The following FOXP1 variants were observed in gnomAD, a reference collection of about 807,000 sequenced individuals.
The protein encoded by FOXP1 is forkhead box P1.
In FOXP1, 15 loss-of-function variants were observed where a neutral mutation model predicts 98.2. That is an observed-to-expected ratio of 0.15 (90% confidence interval 0.10 to 0.24). The LOEUF (loss-of-function observed/expected upper bound fraction) is 0.24. FOXP1 is among the 10% of genes least tolerant of loss of function. The probability of loss-of-function intolerance (pLI) is 1.00; values close to 1 mark genes in which losing one functional copy is unlikely to be tolerated. For missense variants in FOXP1, 633 were observed against 848.5 expected (o/e 0.75, Z 3.15); for synonymous variants, 371 against 314.5 (o/e 1.18, Z -1.90).
At chr3:71,365,514 T>C (rs148335078) in intron 3 of FOXP1, among the ~76,000 whole-genome samples, 1 of 150,240 alleles carries the variant, frequency 6.7e-6, no homozygotes, top group African/African-American at 2.5e-5. Context: ...TGTGTTAAGA[T>C]AGTGTAGGTA....
In FOXP1 at chr3:71,295,007, A is replaced by G. The variant is rs1426925607; in HGVS notation, c.-12+4813T>C. Among the ~76,000 whole-genome samples the G allele has an allele frequency of 3.3e-5, 5 of 152,182 alleles. No homozygotes were observed. In the East Asian group the frequency reaches 9.6e-4, roughly 29 times the overall value. On this transcript the variant is annotated intron_variant, in intron 5 of 20. Coordinates refer to ENST00000649528, the MANE Select transcript of FOXP1 (RefSeq NM_001349338.3). ...TGTTTCACGAGAGAAGTAGACTTCT[A>G]TTTTATTTAAGCCATTTTACGCTGG... is the stretch of plus-strand genomic sequence containing the variant.
At position 71,275,822 on chromosome 3, in the gene FOXP1, T is replaced by C. The variant is rs138637890; in HGVS notation, c.-12+23998A>G. ...ACGGGAGTGGTTCCCCATCCTCTCATGCTTATCCCTTCTTCGTTTTTTTGT... is the reference window on the plus strand; with the variant it reads ...ACGGGAGTGGTTCCCCATCCTCTCACGCTTATCCCTTCTTCGTTTTTTTGT... On this transcript the variant is annotated intron_variant, in intron 5 of 20. Transcript: ENST00000649528. Among the ~76,000 whole-genome samples the C allele has an allele frequency of 1.6e-4, 24 of 152,336 alleles. No homozygotes were observed. The East Asian group carries it at 4.0e-3, about 26-fold the overall frequency.
At chr3:71,175,946 T>C (rs2061917234) in intron 6 of FOXP1, among the ~76,000 whole-genome samples, 1 of 152,192 alleles carries the variant, frequency 6.6e-6, no homozygotes, top group South Asian at 2.1e-4. Flanking sequence ...AAGGACATTT[T>C]CTCAACAGAG....
At chr3:71,515,357 C>A (rs1428672657) in intron 2 of FOXP1, among the ~76,000 whole-genome samples, 6 of 138,306 alleles carry the variant, frequency 4.3e-5, no homozygotes, top group Non-Finnish European at 9.1e-5. Flanking sequence ...TTGTTTTACA[C>A]TAAGATGTGA....
intron 5 of FOXP1, among the ~76,000 whole-genome samples, chr3:71,226,622 G>A (rs1576469876): frequency 6.7e-6 from 1 of 150,296 alleles, no homozygotes; most frequent in Non-Finnish European, 1.5e-5. Context: ...TCTCATTCTG[G>A]CTCAATCTCT....
Position 70,958,395 on chromosome 3 carries a change from G to A in FOXP1, c.*852C>T. ...CCTTCATGTGTAGAGTGCAGCATTTGGGACCTTTTTGAAAAAGACCAAAAC... is the reference window on the plus strand; with the variant it reads ...CCTTCATGTGTAGAGTGCAGCATTTAGGACCTTTTTGAAAAAGACCAAAAC... On this transcript the variant is annotated 3_prime_UTR_variant, in exon 21 of 21. Coordinates refer to ENST00000649528, the MANE Select transcript of FOXP1 (RefSeq NM_001349338.3). 2.0e-6 allele frequency: 1 copy of A among 501,932 alleles called. No individual in the cohort carries two copies. Among genetic ancestry groups the A allele is most frequent in the Non-Finnish European group, 3.8e-6 (1 of 260,932 alleles). The allele number at this position is 501,932 out of a possible 1,614,324, so 31.1% of individuals were successfully genotyped here.
chr3:71,393,521 T>C (rs867865639), intron 3 of FOXP1, among the ~76,000 whole-genome samples: 2 of 152,210 alleles, frequency 1.3e-5, no homozygotes, highest in Non-Finnish European at 2.9e-5. Flanking sequence ...ATTACTATAA[T>C]GTCTATAAAA....
chr3:71,257,334 T>C (rs2068712209), intron 5 of FOXP1, among the ~76,000 whole-genome samples: 1 of 152,020 alleles, frequency 6.6e-6, no homozygotes, highest in South Asian at 2.1e-4. Flanking sequence ...CCCAACACTT[T>C]GGGAGGCCGA....
intron 6 of FOXP1, among the ~76,000 whole-genome samples, chr3:71,116,767 T>A (rs2058403343): frequency 6.6e-6 from 1 of 152,262 alleles, no homozygotes; most frequent in African/African-American, 2.4e-5. Context: ...TATAAATCAC[T>A]GTGGTCTAGA....
At chr3:71,321,422 A>T (rs2075385657) in intron 4 of FOXP1, among the ~76,000 whole-genome samples, 1 of 152,186 alleles carries the variant, frequency 6.6e-6, no homozygotes, top group South Asian at 2.1e-4. Flanking sequence ...AAATGGTGTC[A>T]TTTAAGTGAC....
intron 7 of FOXP1, among the ~76,000 whole-genome samples, chr3:71,111,328 G>A (rs1318943998): frequency 6.6e-6 from 1 of 152,170 alleles, no homozygotes; most frequent in Admixed American, 6.5e-5. Flanking sequence ...TGAGCATGAA[G>A]ACCCTGATTC....
chr3:71,515,205 A>G (rs1204752172), intron 2 of FOXP1, among the ~76,000 whole-genome samples: 2 of 152,230 alleles, frequency 1.3e-5, no homozygotes, highest in African/African-American at 2.4e-5. Flanking sequence ...TGGCTATAGT[A>G]TTCATGCCAT....
chr3:70,987,314 G>T (rs1173725273), intron 14 of FOXP1, among the ~76,000 whole-genome samples: 2 of 152,184 alleles, frequency 1.3e-5, no homozygotes, highest in Non-Finnish European at 2.9e-5. Context: ...TTCTGCTTCG[G>T]TATTAACAGC....
At chr3:70,985,686 A>G (rs1315102915) in intron 14 of FOXP1, among the ~76,000 whole-genome samples, 1 of 151,992 alleles carries the variant, frequency 6.6e-6, no homozygotes, top group Non-Finnish European at 1.5e-5. Context: ...CACAAATGTG[A>G]TCTTTTTTTT....
intron 5 of FOXP1, among the ~76,000 whole-genome samples, chr3:71,294,671 G>A (rs1309037564): frequency 6.6e-6 from 1 of 152,118 alleles, no homozygotes; most frequent in African/African-American, 2.4e-5. Flanking sequence ...CTGAATCAAT[G>A]AAGTACTTGT....
chr3:70,960,792 A>G (rs913370946), intron 20 of FOXP1, among the ~76,000 whole-genome samples: 1 of 151,984 alleles, frequency 6.6e-6, no homozygotes, highest in African/African-American at 2.4e-5. Context: ...TAAAATTAGC[A>G]CAGCCTAGAG....
At chr3:71,073,699 C>T (rs1243743359) in intron 7 of FOXP1, among the ~76,000 whole-genome samples, 2 of 152,120 alleles carry the variant, frequency 1.3e-5, no homozygotes, top group African/African-American at 4.8e-5. Flanking sequence ...TTAATGTCTC[C>T]TGATTTGAGA....
At chr3:71,210,512 A>G (rs886296826) in intron 5 of FOXP1, among the ~76,000 whole-genome samples, 25 of 152,210 alleles carry the variant, frequency 1.6e-4, no homozygotes, top group African/African-American at 6.0e-4. Flanking sequence ...CATGCAGGGA[A>G]GAGACATCAA....
chr3:71,198,987 C>A (rs955233716), intron 5 of FOXP1, among the ~76,000 whole-genome samples: 9 of 151,910 alleles, frequency 5.9e-5, no homozygotes, highest in African/African-American at 2.2e-4. Flanking sequence ...CTGCGCCGGG[C>A]CCAAGATTAA....
Sources: allele counts gnomAD v4.1 joint callset (sites outside exome capture counted in the v4.1 genomes callset), GRCh38; gene constraint gnomAD v4.1.1; transcripts MANE v1.5; gene names NCBI Gene and HGNC (gene_info 2026-07-23, HGNC 2026-07-21).